DLGAP2: variants seen among roughly 807,000 people sequenced by gnomAD.
DLGAP2 encodes the protein disks large-associated protein 2.
A neutral mutation model predicts 100.3 loss-of-function variants in DLGAP2; 26 were observed. That is an observed-to-expected ratio of 0.26 (90% CI 0.19 to 0.36). The LOEUF (loss-of-function observed/expected upper bound fraction) is 0.36, where lower values mean the gene tolerates loss of function less well. Among genes scored for constraint, DLGAP2 ranks in the 10% least tolerant of loss-of-function variants. DLGAP2 has a pLI of 1.00. For synonymous variants in DLGAP2, 886 were observed against 630.1 expected, an observed-to-expected ratio of 1.41 and a Z score of -6.08; for missense variants, 1,858 against 1,453.2, an observed-to-expected ratio of 1.28 and a Z score of -4.53.
At chr8:742,760 G>A (rs1820518132) in intron 1 of DLGAP2, among the ~76,000 whole-genome samples, 1 of 151,908 alleles carries the variant, frequency 6.6e-6, no homozygotes, top group African/African-American at 2.4e-5. Context: ...CTCCTGCCCT[G>A]GCCTCCTCAA....
chr8:1,656,309 C>CAA (rs748686315), intron 8 of DLGAP2, among the ~76,000 whole-genome samples: 1 of 130,684 alleles, frequency 7.7e-6, no homozygotes, highest in African/African-American at 2.9e-5. Flanking sequence ...GACTCTGTCT[C>CAA]AAAAAAAAAA....
At chr8:1,193,171 C>G (rs940446786) in intron 2 of DLGAP2, among the ~76,000 whole-genome samples, 5 of 152,090 alleles carry the variant, frequency 3.3e-5, no homozygotes, top group African/African-American at 1.2e-4. Context: ...GATTTATAAT[C>G]CTTTGGGTAT....
At chr8:1,091,779 C>T (rs553392985) in intron 2 of DLGAP2, among the ~76,000 whole-genome samples, 7 of 152,194 alleles carry the variant, frequency 4.6e-5, no homozygotes, top group South Asian at 2.1e-4. Flanking sequence ...CCATGGCCCC[C>T]GACCCTCTCC....
intron 1 of DLGAP2, among the ~76,000 whole-genome samples, chr8:903,104 C>T (rs1172332179): frequency 3.3e-5 from 5 of 151,806 alleles, no homozygotes; most frequent in African/African-American, 7.3e-5. Flanking sequence ...GATCCCCAAG[C>T]GGCCGTCAGA....
Position 1,284,634 on chromosome 8 carries a change from T to C in DLGAP2, c.106+25751T>C, listed in dbSNP as rs548412276. ...TTCATTCGTTGTTTATTCTTTATTATTATTGTTATTATTATTTTGCTCTGT... is the reference window on the plus strand; with the variant it reads ...TTCATTCGTTGTTTATTCTTTATTACTATTGTTATTATTATTTTGCTCTGT... On this transcript the variant is annotated intron_variant, in intron 3 of 14. Transcript: ENST00000637795. Among the ~76,000 whole-genome samples the C allele has an allele frequency of 3.3e-5, 5 of 152,342 alleles. No individual in the cohort carries two copies. The East Asian group carries it at 9.6e-4, about 29-fold the overall frequency.
chr8:743,810 C>G (rs1820547225), intron 1 of DLGAP2, among the ~76,000 whole-genome samples: 1 of 152,256 alleles, frequency 6.6e-6, no homozygotes, highest in South Asian at 2.1e-4. Context: ...AGCCATCAGC[C>G]TACCCCAGCC....
chr8:1,597,992 A>T (rs894908668), intron 6 of DLGAP2, among the ~76,000 whole-genome samples: 3 of 152,180 alleles, frequency 2.0e-5, no homozygotes, highest in Non-Finnish European at 4.4e-5. Context: ...TCAGTATGAT[A>T]TTGGCTGTGG....
At chr8:1,201,592 C>T (rs1055508269) in intron 2 of DLGAP2, among the ~76,000 whole-genome samples, 7 of 152,186 alleles carry the variant, frequency 4.6e-5, no homozygotes, top group South Asian at 2.1e-4. Flanking sequence ...GTCACCGGCA[C>T]GGCAGGGGTA....
At chr8:1,258,767 T>C in intron 2 of DLGAP2, 84 bp from the exon 3 acceptor site, 1 of 1,147,804 alleles carries the variant, frequency 8.7e-7, no homozygotes, top group Non-Finnish European at 1.1e-6. Context: ...AAGTTGTAGT[T>C]TTGTTGTTGC....
At chr8:1,411,564 C>T (rs947348759) in intron 3 of DLGAP2, among the ~76,000 whole-genome samples, 2 of 152,252 alleles carry the variant, frequency 1.3e-5, no homozygotes, top group African/African-American at 2.4e-5. Flanking sequence ...GCAGATTAAA[C>T]GAGGTAACCG....
chr8:1,025,874 A>G (rs754705856), intron 2 of DLGAP2, among the ~76,000 whole-genome samples: 35 of 152,160 alleles, frequency 2.3e-4, no homozygotes, highest in Non-Finnish European at 2.8e-4. Flanking sequence ...AGAAAAGACA[A>G]TATACAAAGT....
intron 6 of DLGAP2, among the ~76,000 whole-genome samples, chr8:1,584,387 G>C (rs961447685): frequency 6.6e-6 from 1 of 152,164 alleles, no homozygotes; most frequent in Non-Finnish European, 1.5e-5. Flanking sequence ...CAGACTCCTC[G>C]TGCATGCCAC....
At chr8:1,378,198 A>C (rs10085926) in intron 3 of DLGAP2, 1 of 176,568 alleles carries the variant, frequency 5.7e-6, no homozygotes, top group Non-Finnish European at 1.2e-5. Flanking sequence ...CATCCTGTGC[A>C]CACCTGACCT....
intron 1 of DLGAP2, among the ~76,000 whole-genome samples, chr8:815,628 G>A (rs1042076785): frequency 3.3e-5 from 5 of 152,104 alleles, no homozygotes; most frequent in Admixed American, 3.3e-4. Context: ...AATATAAATT[G>A]GTTATAGATT....
At chr8:919,975 C>G (rs527911350) in intron 2 of DLGAP2, among the ~76,000 whole-genome samples, 1 of 152,338 alleles carries the variant, frequency 6.6e-6, no homozygotes, top group South Asian at 2.1e-4. Flanking sequence ...CACCCCCACT[C>G]AGCGATTCAC....
chr8:1,472,368 G>A (rs1035983770), intron 3 of DLGAP2, among the ~76,000 whole-genome samples: 1 of 152,326 alleles, frequency 6.6e-6, no homozygotes, highest in East Asian at 1.9e-4. Context: ...ATCCCAAAGC[G>A]GGTGTGGCCC....
chr8:1,452,569 A>G (rs949864332), intron 3 of DLGAP2, among the ~76,000 whole-genome samples: 1 of 152,170 alleles, frequency 6.6e-6, no homozygotes, highest in African/African-American at 2.4e-5. Flanking sequence ...GCCCGGCTTA[A>G]ATTGCCAGGC....
intron 3 of DLGAP2, among the ~76,000 whole-genome samples, chr8:1,359,902 G>T (rs1801940995): frequency 6.6e-6 from 1 of 152,212 alleles, no homozygotes; most frequent in Admixed American, 6.5e-5. Flanking sequence ...AAATCTCTTG[G>T]AATTTTGCTA....
chr8:863,246 T>C (rs1254165765), intron 1 of DLGAP2, among the ~76,000 whole-genome samples: 1 of 152,212 alleles, frequency 6.6e-6, no homozygotes, highest in East Asian at 1.9e-4. Context: ...GGACATGCTC[T>C]GCACCAGGGT....
Sources: gnomAD v4.1 joint callset for allele counts (sites outside exome capture counted in the v4.1 genomes callset) on GRCh38, gnomAD v4.1.1 for gene constraint, MANE v1.5 for transcripts, NCBI Gene and HGNC (gene_info 2026-07-23, HGNC 2026-07-21) for gene names.